Variants in PREX1 observed in about 807,000 individuals in gnomAD.
The protein encoded by PREX1 is phosphatidylinositol-3,4,5-trisphosphate dependent Rac exchange factor 1.
Under a neutral mutation model 198.3 loss-of-function variants are expected in PREX1, and 41 were observed. That is an observed-to-expected ratio of 0.21 (90% CI 0.16 to 0.27). The LOEUF (loss-of-function observed/expected upper bound fraction) is 0.27. Ranked by LOEUF, PREX1 falls within the 10% of genes least tolerant of loss-of-function variation. The probability of loss-of-function intolerance (pLI) is 1.00; values close to 1 mark genes in which losing one functional copy is unlikely to be tolerated. For missense variants in PREX1, 1,620 were observed against 2,200.7 expected (o/e 0.74, Z 5.28); for synonymous variants, 843 against 887.2 (o/e 0.95, Z 0.89).
At position 48,827,732 on chromosome 20, in the gene PREX1, G is replaced by C; in HGVS notation, c.129C>G (p.Ser43=). 1.5e-6 allele frequency: 2 copies of C among 1,330,078 alleles called. No homozygotes were observed. Among genetic ancestry groups the C allele is most frequent in the Non-Finnish European group, 1.9e-6 (2 of 1,025,652 alleles). The allele number at this position is 1,330,078 out of a possible 1,614,324, so 82.4% of individuals were successfully genotyped here. ...GPGPCAAARE[S]ERQLRLRLCV... ...AGAGGCGGAGGCGCAGCTGGCGCTC[G>C]GACTCCCGGGCGGCCGCGCACGGGC... The change falls in exon 1 of 40, where the codon TCC becomes TCG. Residue 43 remains serine, a synonymous_variant. Coordinates refer to ENST00000371941, the MANE Select transcript of PREX1 (RefSeq NM_020820.4). The surrounding 1 kb of genome is among the most constrained non-coding windows in gnomAD (Gnocchi z 4.1).
chr20:48,632,056 A>G (rs1034506259), intron 35 of PREX1, among the ~76,000 whole-genome samples: 14 of 152,298 alleles, frequency 9.2e-5, no homozygotes, highest in African/African-American at 3.4e-4. Flanking sequence ...AAGTGTGTAC[A>G]CTTTCTGGGC....
At chr20:48,744,447 G>A (rs1445062956) in intron 3 of PREX1, among the ~76,000 whole-genome samples, 2 of 152,162 alleles carry the variant, frequency 1.3e-5, no homozygotes, top group Non-Finnish European at 1.5e-5. Context: ...TGTCTGTGAG[G>A]GGGGTCCCAG....
chr20:48,886,324 C>A, the PREX1 span, among the ~76,000 whole-genome samples: 1 of 152,160 alleles, frequency 6.6e-6, no homozygotes, highest in Non-Finnish European at 1.5e-5. Flanking sequence ...TCTGATGTAC[C>A]CTAGCACTGG....
At chr20:48,879,305 TC>T in the PREX1 span, among the ~76,000 whole-genome samples, 1 of 152,228 alleles carries the variant, frequency 6.6e-6, no homozygotes, top group South Asian at 2.1e-4. Context: ...CCTTTTACGT[TC>T]TTTACCTAAG....
chr20:48,862,790 A>ATAT, the PREX1 span, among the ~76,000 whole-genome samples: 822 of 102,538 alleles, frequency 8.0e-3, 26 homozygotes, highest in African/African-American at 0.033. Flanking sequence ...TAAAAAAAAA[A>ATAT]ATATATATAT....
rs534746505 is a variant in PREX1 at position 48,827,305 on chromosome 20, C to A, written c.219+337G>T. ...AAGACGCAGGAGCGCCAGCTCCCGG[C>A]GCCGCCGGGGTCCCCAAGCCCCTGC... On this transcript the variant is annotated intron_variant, in intron 1 of 39. Transcript: ENST00000371941. This position sits in a 1 kb window ranked among gnomAD's most constrained non-coding sequence, Gnocchi z 4.1. Among the ~76,000 whole-genome samples the A allele has an allele frequency of 6.6e-6, 1 of 152,244 alleles. No homozygotes were observed. The highest frequency in any genetic ancestry group is 1.5e-5 in the Non-Finnish European group (1 of 68,046).
chr20:48,716,867 G>GT (rs1030558984), intron 5 of PREX1, among the ~76,000 whole-genome samples: 10 of 152,120 alleles, frequency 6.6e-5, no homozygotes, highest in African/African-American at 2.4e-4. Context: ...CGACGCCACT[G>GT]TAAGAAAGCA....
chr20:48,834,044 G>C, the PREX1 span, among the ~76,000 whole-genome samples: 1 of 151,890 alleles, frequency 6.6e-6, no homozygotes, highest in African/African-American at 2.4e-5. Context: ...AGCCGAGATA[G>C]CGCCACTGCA....
intron 1 of PREX1, among the ~76,000 whole-genome samples, chr20:48,777,473 G>A (rs190523205): frequency 1.3e-5 from 2 of 152,044 alleles, no homozygotes; most frequent in African/African-American, 4.8e-5. Flanking sequence ...TACAGACAGG[G>A]CCTCCGGCGG....
intron 29 of PREX1, among the ~76,000 whole-genome samples, chr20:48,640,509 C>T (rs919233172): frequency 6.6e-6 from 1 of 152,180 alleles, no homozygotes; most frequent in Admixed American, 6.5e-5. Flanking sequence ...GAGGTCCATC[C>T]CTGAAAGCTG....
chr20:48,643,891 G>A (rs1377454443), intron 27 of PREX1, among the ~76,000 whole-genome samples: 1 of 152,156 alleles, frequency 6.6e-6, no homozygotes, highest in Non-Finnish European at 1.5e-5. Context: ...TGGCCAGGCT[G>A]GTCTCAAACT....
At chr20:48,657,667 C>T (rs1379711514) in intron 17 of PREX1, among the ~76,000 whole-genome samples, 1 of 152,206 alleles carries the variant, frequency 6.6e-6, no homozygotes, top group Admixed American at 6.5e-5. Flanking sequence ...GCAAGCTGGG[C>T]TCCAGCCAGC....
intron 3 of PREX1, among the ~76,000 whole-genome samples, chr20:48,737,281 C>A (rs1486141501): frequency 1.4e-5 from 2 of 142,612 alleles, no homozygotes; most frequent in Non-Finnish European, 3.0e-5. Context: ...CAGATAGACT[C>A]GTGGGTTTAG....
intron 4 of PREX1, among the ~76,000 whole-genome samples, chr20:48,726,676 A>C (rs528511073): frequency 2.8e-4 from 43 of 152,206 alleles, no homozygotes; most frequent in Non-Finnish European, 4.3e-4. Flanking sequence ...GTTGTTGGGG[A>C]AAAAAAGGCC....
At chr20:48,770,706 T>A (rs1382065554) in intron 1 of PREX1, among the ~76,000 whole-genome samples, 1 of 151,372 alleles carries the variant, frequency 6.6e-6, no homozygotes, top group Admixed American at 6.6e-5. Context: ...TGAATCTCCA[T>A]CTCAAAAAAA....
intron 1 of PREX1, among the ~76,000 whole-genome samples, chr20:48,760,325 A>C (rs1331087278): frequency 6.6e-6 from 1 of 151,878 alleles, no homozygotes; most frequent in Admixed American, 6.6e-5. Flanking sequence ...AGTTTTTTCC[A>C]TCCTGCAAAT....
In PREX1 at chr20:48,676,109, G is replaced by T. The variant is rs527787931; in HGVS notation, c.1665+84C>A. 1.5e-5 allele frequency: 20 copies of T among 1,367,304 alleles called. No homozygotes were observed. The African/African-American group carries it at 2.7e-4, about 19-fold the overall frequency. 84.7% of individuals were successfully genotyped at this position (1,367,304 alleles called of 1,614,324 possible). On this transcript the variant is annotated intron_variant, in intron 14 of 39. Transcript: ENST00000371941. ...AGTTTGCCACAATTAAAAGCAATAAGAAAAAATCTTTAAACAAAACAGAAA... is the reference window on the plus strand; with the variant it reads ...AGTTTGCCACAATTAAAAGCAATAATAAAAAATCTTTAAACAAAACAGAAA...
At chr20:48,661,106 T>C (rs568831400) in intron 15 of PREX1, among the ~76,000 whole-genome samples, 26 of 152,108 alleles carry the variant, frequency 1.7e-4, no homozygotes, top group African/African-American at 3.1e-4. Context: ...TGTTACTAAG[T>C]GGCCCTTTAC....
intron 6 of PREX1, among the ~76,000 whole-genome samples, chr20:48,706,617 C>T (rs1202986232): frequency 1.3e-5 from 2 of 152,172 alleles, no homozygotes; most frequent in Non-Finnish European, 2.9e-5. Flanking sequence ...ACACATGGTG[C>T]CTGGAGCTGC....
Sources: allele counts gnomAD v4.1 joint callset (sites outside exome capture counted in the v4.1 genomes callset), GRCh38; gene constraint gnomAD v4.1.1; non-coding constraint Gnocchi (gnomAD v3.1); transcripts MANE v1.5; gene names NCBI Gene and HGNC (gene_info 2026-07-23, HGNC 2026-07-21).